The following CNTNAP2 variants were observed in gnomAD, a reference collection of about 807,000 sequenced individuals.
CNTNAP2 encodes contactin associated protein 2.
Under a neutral mutation model 155.2 loss-of-function variants are expected in CNTNAP2, and 98 were observed. The observed-to-expected ratio is 0.63, with a 90% CI of 0.54 to 0.75. CNTNAP2 has a LOEUF of 0.75. Ranked by LOEUF, CNTNAP2 falls within the 30% of genes least tolerant of loss-of-function variation. CNTNAP2 has a pLI of 0.00. For synonymous variants in CNTNAP2, 651 were observed against 631.2 expected (o/e 1.03, Z -0.47); for missense variants, 1,727 against 1,688.1 (o/e 1.02, Z -0.40).
chr7:148,178,425 A>G (rs1386928800), intron 18 of CNTNAP2, among the ~76,000 whole-genome samples: 1 of 152,222 alleles, frequency 6.6e-6, no homozygotes, highest in African/African-American at 2.4e-5. Context: ...TCATTCAATC[A>G]TTGCAGTGTT....
intron 12 of CNTNAP2, among the ~76,000 whole-genome samples, chr7:147,563,419 A>G (rs774212452): frequency 3.3e-4 from 50 of 152,056 alleles, no homozygotes; most frequent in Non-Finnish European, 5.9e-4. Context: ...TCATGAGGTC[A>G]AGAGGTCGAG....
At chr7:146,264,236 G>A (rs879203384) in intron 1 of CNTNAP2, among the ~76,000 whole-genome samples, 7 of 152,066 alleles carry the variant, frequency 4.6e-5, no homozygotes, top group Admixed American at 1.3e-4. Context: ...CTGAGGTCAG[G>A]AGTTTGAAAC....
chr7:148,418,556 AG>A lies in CNTNAP2; in HGVS notation c.*2942del. The A allele has an allele frequency of 6.6e-6, 1 of 151,870 alleles. No homozygotes were observed. Among genetic ancestry groups the A allele is most frequent in the Non-Finnish European group, 1.5e-5 (1 of 67,906 alleles). 9.4% of individuals were successfully genotyped at this position (151,870 alleles called of 1,614,324 possible). A position where few individuals can be genotyped will look rare whatever the true frequency, so the allele number is the denominator to read the frequency against. The stretch of plus-strand genomic sequence containing the variant: ...AAATGTCGATGTTTTGAAAAAAGCT[AG>A]GAGATGACTTTGAATGAATGCAAGG... On this transcript the variant is annotated 3_prime_UTR_variant, in exon 24 of 24. Coordinates refer to ENST00000361727, the MANE Select transcript of CNTNAP2 (RefSeq NM_014141.6).
intron 1 of CNTNAP2, among the ~76,000 whole-genome samples, chr7:146,252,285 A>G (rs781204400): frequency 6.6e-5 from 10 of 152,190 alleles, no homozygotes; most frequent in Admixed American, 2.0e-4. Context: ...ATAATTGACT[A>G]TATCAAATCC....
At chr7:147,438,400 T>C (rs867559684) in intron 10 of CNTNAP2, among the ~76,000 whole-genome samples, 1 of 150,006 alleles carries the variant, frequency 6.7e-6, no homozygotes, top group African/African-American at 2.4e-5. Flanking sequence ...TCTGTTGATA[T>C]GATGTATCAC....
chr7:147,050,496 C>A (rs1220411502), intron 4 of CNTNAP2, among the ~76,000 whole-genome samples: 1 of 152,054 alleles, frequency 6.6e-6, no homozygotes, highest in Non-Finnish European at 1.5e-5. Context: ...CAATGCAAAT[C>A]GTGATGGAAA....
chr7:147,085,589 C>T (rs756831057), intron 4 of CNTNAP2: 3 of 152,174 alleles, frequency 2.0e-5, no homozygotes, highest in South Asian at 2.1e-4. Flanking sequence ...GGTTGGAGAT[C>T]GCTGCCATAG....
chr7:146,604,623 A>C (rs1162957480), intron 1 of CNTNAP2, among the ~76,000 whole-genome samples: 2 of 124,930 alleles, frequency 1.6e-5, no homozygotes, highest in East Asian at 4.5e-4. Context: ...ACACATGCAC[A>C]CGTATGTTTA....
intron 3 of CNTNAP2, among the ~76,000 whole-genome samples, chr7:146,897,297 G>A (rs903910049): frequency 6.6e-6 from 1 of 152,110 alleles, no homozygotes; most frequent in Non-Finnish European, 1.5e-5. Context: ...CATATCAGAA[G>A]GCAGTTGAAG....
At chr7:148,021,304 T>G (rs994331779) in intron 15 of CNTNAP2, among the ~76,000 whole-genome samples, 3 of 152,144 alleles carry the variant, frequency 2.0e-5, no homozygotes, top group African/African-American at 7.2e-5. Flanking sequence ...GGAAGAACAA[T>G]AAGACATACT....
At chr7:148,186,881 C>T (rs1310723580) in intron 18 of CNTNAP2, among the ~76,000 whole-genome samples, 6 of 152,200 alleles carry the variant, frequency 3.9e-5, no homozygotes, top group Admixed American at 3.9e-4. Flanking sequence ...TCTCCCAATG[C>T]CCCAGGAGGC....
At chr7:148,074,926 C>G (rs1803456451) in intron 15 of CNTNAP2, among the ~76,000 whole-genome samples, 1 of 152,156 alleles carries the variant, frequency 6.6e-6, no homozygotes, top group African/African-American at 2.4e-5. Flanking sequence ...TTGGTATAAA[C>G]AAACTTCTGC....
intron 15 of CNTNAP2, among the ~76,000 whole-genome samples, chr7:148,071,572 G>A (rs772142438): frequency 1.3e-5 from 2 of 152,148 alleles, no homozygotes; most frequent in Non-Finnish European, 2.9e-5. Context: ...AGGAAGGTGC[G>A]AATCATCTGT....
In CNTNAP2 at chr7:147,080,669, A is replaced by T. The variant is rs980098025; in HGVS notation, c.551-27478A>T. Among the ~76,000 whole-genome samples, 5 of 145,926 alleles carry T rather than the reference A, an allele frequency of 3.4e-5. No individual in the cohort carries two copies. In the South Asian group the frequency reaches 1.0e-3, roughly 30 times the overall value. ...ATAACATATATAACATGTATATGAC[A>T]TATATATAACATATATATCTATATA... On this transcript the variant is annotated intron_variant, in intron 4 of 23. Coordinates refer to ENST00000361727, the MANE Select transcript of CNTNAP2 (RefSeq NM_014141.6).
chr7:147,565,880 G>A (rs1800160234), intron 12 of CNTNAP2, among the ~76,000 whole-genome samples: 1 of 152,058 alleles, frequency 6.6e-6, no homozygotes, highest in Admixed American at 6.5e-5. Flanking sequence ...GCCTGATTGG[G>A]TTAGAGATAT....
chr7:146,968,966 C>T (rs1386813420), intron 3 of CNTNAP2, among the ~76,000 whole-genome samples: 1 of 148,290 alleles, frequency 6.7e-6, no homozygotes, highest in Non-Finnish European at 1.5e-5. Context: ...AAATTTCCCT[C>T]TACACACTGC....
At chr7:147,546,506 A>ACTAAG (rs1799736330) in intron 11 of CNTNAP2, among the ~76,000 whole-genome samples, 1 of 152,210 alleles carries the variant, frequency 6.6e-6, no homozygotes, top group Non-Finnish European at 1.5e-5. Flanking sequence ...GGACATGCCC[A>ACTAAG]CAACTAAGAC....
At chr7:147,771,673 T>C (rs1376816279) in intron 13 of CNTNAP2, among the ~76,000 whole-genome samples, 1 of 152,204 alleles carries the variant, frequency 6.6e-6, no homozygotes, top group Non-Finnish European at 1.5e-5. Flanking sequence ...TTTCATTTTT[T>C]CTTTGTGTCT....
At chr7:146,166,709 C>T (rs935894118) in intron 1 of CNTNAP2, among the ~76,000 whole-genome samples, 1 of 152,102 alleles carries the variant, frequency 6.6e-6, no homozygotes, top group African/African-American at 2.4e-5. Context: ...CCAGCCAAAA[C>T]CCCTTGGATT....
Sources: allele counts gnomAD v4.1 joint callset (sites outside exome capture counted in the v4.1 genomes callset), GRCh38; gene constraint gnomAD v4.1.1; transcripts MANE v1.5; gene names NCBI Gene and HGNC (gene_info 2026-07-23, HGNC 2026-07-21).